Variants in XPR1 observed in about 807,000 individuals in gnomAD.
XPR1 encodes xenotropic and polytropic retrovirus receptor 1.
Under a neutral mutation model 87.5 loss-of-function variants are expected in XPR1, and 28 were observed. The ratio of observed to expected loss-of-function variants is 0.32; its 90% confidence interval spans 0.24 to 0.44. The LOEUF (loss-of-function observed/expected upper bound fraction) is 0.44, where lower values mean the gene tolerates loss of function less well. Ranked by LOEUF, XPR1 falls within the 20% of genes least tolerant of loss-of-function variation. The pLI, the probability that XPR1 is intolerant of heterozygous loss-of-function variation, is 1.00. For synonymous variants in XPR1, 300 were observed against 306.1 expected (o/e 0.98, Z 0.21); for missense variants, 559 against 862.3 (o/e 0.65, Z 4.41).
intron 11 of XPR1, among the ~76,000 whole-genome samples, chr1:180,853,791 G>GTTTTTTTTTTTTTT (rs374408714): frequency 1.8e-5 from 2 of 109,446 alleles, no homozygotes; most frequent in Admixed American, 1.0e-4. Context: ...CATTCATGTG[G>GTTTTTTTTTTTTTT]TTTTTTTTTT....
intron 11 of XPR1, among the ~76,000 whole-genome samples, chr1:180,841,155 C>T (rs1651501383): frequency 6.6e-6 from 1 of 151,984 alleles, no homozygotes; most frequent in Admixed American, 6.6e-5. Context: ...AAGAGATAAG[C>T]AGGGTACCGA....
chr1:180,850,009 T>C (rs1186595625), intron 11 of XPR1, among the ~76,000 whole-genome samples: 1 of 152,208 alleles, frequency 6.6e-6, no homozygotes, highest in Non-Finnish European at 1.5e-5. Flanking sequence ...TTGAAATTTT[T>C]TATTTTTAAT....
At chr1:180,817,843 T>C (rs970669749) in intron 7 of XPR1, among the ~76,000 whole-genome samples, 4 of 152,212 alleles carry the variant, frequency 2.6e-5, no homozygotes, top group Non-Finnish European at 5.9e-5. Context: ...TAATATGCTG[T>C]GTTCTGGGTG....
intron 11 of XPR1, among the ~76,000 whole-genome samples, chr1:180,849,895 C>T (rs1250244190): frequency 2.0e-5 from 3 of 152,200 alleles, no homozygotes; most frequent in Non-Finnish European, 4.4e-5. Context: ...TGCGTGCGCA[C>T]ACCCACAAAG....
intron 7 of XPR1, among the ~76,000 whole-genome samples, chr1:180,812,649 CT>C (rs955473305): frequency 2.5e-3 from 337 of 134,246 alleles, no homozygotes; most frequent in Non-Finnish European, 2.5e-3. Context: ...GCAGCCATTT[CT>C]TTTTTTTTTT....
At chr1:180,682,517 TAG>T in intron 2 of XPR1, 106 bp downstream of exon 2, 1 of 646,136 alleles carries the variant, frequency 1.5e-6, no homozygotes, top group Non-Finnish European at 2.4e-6. Context: ...TCCTATTATA[TAG>T]GTCTTTTTTT....
chr1:180,834,104 A>G (rs1477350383), intron 9 of XPR1, among the ~76,000 whole-genome samples: 1 of 149,794 alleles, frequency 6.7e-6, no homozygotes, highest in African/African-American at 2.5e-5. Flanking sequence ...TTTTTTTGAG[A>G]TGGAGCCTTG....
intron 2 of XPR1, among the ~76,000 whole-genome samples, chr1:180,777,355 T>C (rs1043373381): frequency 1.8e-4 from 28 of 152,210 alleles, no homozygotes; most frequent in African/African-American, 5.3e-4. Flanking sequence ...TTCAAAAATG[T>C]CTCATTGGTC....
chr1:180,788,405 A>G (rs574145620), intron 3 of XPR1, among the ~76,000 whole-genome samples: 2 of 152,222 alleles, frequency 1.3e-5, no homozygotes, highest in East Asian at 1.9e-4. Context: ...TAGTAAAACA[A>G]TGTCTTTATA....
intron 2 of XPR1, among the ~76,000 whole-genome samples, chr1:180,685,365 A>T (rs1180731234): frequency 2.6e-5 from 4 of 152,052 alleles, no homozygotes; most frequent in African/African-American, 9.7e-5. Context: ...AAGCTTTTTG[A>T]TGTGCTGCTG....
chr1:180,641,932 CAGT>C (rs1187569122), intron 1 of XPR1, among the ~76,000 whole-genome samples: 2 of 152,120 alleles, frequency 1.3e-5, no homozygotes, highest in Non-Finnish European at 2.9e-5. Context: ...TTGTAAGAGT[CAGT>C]AGGGATTTAA....
chr1:180,833,234 A>G (rs1436952068), intron 9 of XPR1, among the ~76,000 whole-genome samples: 2 of 152,248 alleles, frequency 1.3e-5, no homozygotes, highest in Non-Finnish European at 2.9e-5. Flanking sequence ...ACCAAAATGT[A>G]AAGACCATCG....
intron 1 of XPR1, among the ~76,000 whole-genome samples, chr1:180,633,096 T>G (rs941465550): frequency 1.1e-4 from 17 of 152,344 alleles, no homozygotes; most frequent in African/African-American, 3.8e-4. Context: ...ACCTTACCTG[T>G]GTATTACAGA....
At chr1:180,660,471 G>T (rs148863650) in intron 1 of XPR1, among the ~76,000 whole-genome samples, 3,124 of 152,034 alleles carry the variant, frequency 0.021, 44 homozygotes, top group African/African-American at 0.024. Context: ...CTTTTTTGAT[G>T]TAGGCACTTA....
At chr1:180,671,613 C>G (rs1311345708) in intron 1 of XPR1, among the ~76,000 whole-genome samples, 1 of 152,240 alleles carries the variant, frequency 6.6e-6, no homozygotes, top group East Asian at 1.9e-4. Context: ...CAGCCCCCAC[C>G]TCCTGGGTTC....
chr1:180,800,824 C>T (rs546860036), intron 3 of XPR1, among the ~76,000 whole-genome samples: 30 of 152,124 alleles, frequency 2.0e-4, no homozygotes, highest in Non-Finnish European at 4.0e-4. Context: ...ACAGGAACCA[C>T]CCGAAAGCAA....
At chr1:180,761,104 G>C (rs529610041) in intron 2 of XPR1, among the ~76,000 whole-genome samples, 16 of 152,158 alleles carry the variant, frequency 1.1e-4, no homozygotes, top group South Asian at 8.3e-4. Flanking sequence ...ACACCTTATA[G>C]AAAAATTAAT....
intron 7 of XPR1, among the ~76,000 whole-genome samples, chr1:180,824,473 CG>C (rs1650753438): frequency 6.6e-6 from 1 of 151,960 alleles, no homozygotes; most frequent in Non-Finnish European, 1.5e-5. Context: ...CCCAGTTACT[CG>C]GGAGACTGAG....
intron 1 of XPR1, among the ~76,000 whole-genome samples, chr1:180,648,916 A>G (rs796986605): frequency 6.6e-6 from 1 of 152,326 alleles, no homozygotes; most frequent in African/African-American, 2.4e-5. Flanking sequence ...CATCTCTGAT[A>G]ATAATATTTT....
Sources: allele counts gnomAD v4.1 joint callset (sites outside exome capture counted in the v4.1 genomes callset), GRCh38; gene constraint gnomAD v4.1.1; transcripts MANE v1.5; gene names NCBI Gene and HGNC (gene_info 2026-07-23, HGNC 2026-07-21).